The following SLC24A4 variants were observed in gnomAD, a reference collection of about 807,000 sequenced individuals.
The protein encoded by SLC24A4 is sodium/potassium/calcium exchanger 4.
A neutral mutation model predicts 79.0 loss-of-function variants in SLC24A4; 53 were observed. The ratio of observed to expected loss-of-function variants is 0.67; its 90% CI spans 0.54 to 0.84. SLC24A4 has a LOEUF of 0.84. Ranked by LOEUF, SLC24A4 falls within the 40% of genes least tolerant of loss-of-function variation. SLC24A4 has a pLI of 0.00. For synonymous variants in SLC24A4, 323 were observed against 323.8 expected, an observed-to-expected ratio of 1.00 and a Z score of 0.03; for missense variants, 731 against 822.0, an observed-to-expected ratio of 0.89 and a Z score of 1.35.
At chr14:92,443,289 A>G in intron 6 of SLC24A4, 111 bp from the exon 7 acceptor site, 1 of 932,166 alleles carries the variant, frequency 1.1e-6, no homozygotes, top group South Asian at 1.4e-5. Flanking sequence ...TGGAGTTAGG[A>G]GGTGGAGCTC....
At chr14:92,394,529 T>A (rs1463359132) in intron 2 of SLC24A4, among the ~76,000 whole-genome samples, 1 of 152,216 alleles carries the variant, frequency 6.6e-6, no homozygotes, top group Non-Finnish European at 1.5e-5. Context: ...GAGCTATGGT[T>A]ATAGCCTGGA....
chr14:92,376,552 C>T (rs984872092), intron 2 of SLC24A4, among the ~76,000 whole-genome samples: 15 of 152,356 alleles, frequency 9.8e-5, no homozygotes, highest in East Asian at 3.9e-4. Flanking sequence ...CTGGCCAGGG[C>T]CCCTGAGGGT....
rs1312788054 is a variant in SLC24A4 at position 92,499,233 on chromosome 14, T to C, written c.*5605T>C. ...TGTCAGTGTCCAGTTGTCAAAGTTATGAATCTTCCTCCTGCTTCTAAACAG... is the reference window on the plus strand; with the variant it reads ...TGTCAGTGTCCAGTTGTCAAAGTTACGAATCTTCCTCCTGCTTCTAAACAG... On this transcript the variant is annotated 3_prime_UTR_variant, in exon 17 of 17. Transcript: ENST00000532405. The C allele has an allele frequency of 1.3e-5, 2 of 152,264 alleles. No homozygotes were observed. The highest frequency in any genetic ancestry group is 2.9e-5 in the Non-Finnish European group (2 of 68,064). The allele number at this position is 152,264 out of a possible 1,614,324, so 9.4% of individuals were successfully genotyped here.
intron 12 of SLC24A4, among the ~76,000 whole-genome samples, chr14:92,472,929 G>A (rs1894517262): frequency 6.6e-6 from 1 of 152,108 alleles, no homozygotes; most frequent in Non-Finnish European, 1.5e-5. Flanking sequence ...TCAGTTCTAA[G>A]GCTGCATACT....
intron 1 of SLC24A4, among the ~76,000 whole-genome samples, chr14:92,324,891 GTACA>G (rs1434461249): frequency 1.3e-5 from 2 of 152,194 alleles, no homozygotes; most frequent in African/African-American, 4.8e-5. Context: ...TTAGAGAGGT[GTACA>G]CTGATAGGTA....
rs535612422 is a variant in SLC24A4, at chr14:92,469,974, A to G, written c.1256-12706A>G. 1.2e-4 allele frequency among the ~76,000 whole-genome samples: 18 copies of G among 152,334 alleles called. No homozygotes were observed. In the East Asian group the frequency reaches 3.5e-3, roughly 29 times the overall value. ...ACTGGGGCGATGAAAATCTTCTGGA[A>G]TTATATAGTGGTCATAGTTACACAA... On this transcript the variant is annotated intron_variant, in intron 12 of 16. Coordinates refer to ENST00000532405, the MANE Select transcript of SLC24A4 (RefSeq NM_153646.4).
chr14:92,427,536 A>G (rs12588761), intron 2 of SLC24A4, among the ~76,000 whole-genome samples: 78,717 of 152,106 alleles, frequency 0.52, 20,970 homozygotes, highest in African/African-American at 0.64. Context: ...TGGGGACACC[A>G]GTTACGGGTC....
intron 2 of SLC24A4, among the ~76,000 whole-genome samples, chr14:92,379,629 G>A (rs181352782): frequency 6.6e-6 from 1 of 152,242 alleles, no homozygotes; most frequent in East Asian, 1.9e-4. Context: ...TTGCCTGAAG[G>A]GCATGGGAGT....
chr14:92,466,342 G>A (rs1894116735), intron 12 of SLC24A4, among the ~76,000 whole-genome samples: 1 of 152,184 alleles, frequency 6.6e-6, no homozygotes, highest in Admixed American at 6.5e-5. Context: ...TCTCACAGTA[G>A]CACAGTGGGG....
At chr14:92,400,767 G>A (rs1034875203) in intron 2 of SLC24A4, among the ~76,000 whole-genome samples, 6 of 152,174 alleles carry the variant, frequency 3.9e-5, no homozygotes, top group African/African-American at 1.2e-4. Flanking sequence ...AAGCACGTGG[G>A]TCCCCTGTTA....
chr14:92,380,896 C>T (rs1312167843), intron 2 of SLC24A4, among the ~76,000 whole-genome samples: 1 of 152,136 alleles, frequency 6.6e-6, no homozygotes, highest in Non-Finnish European at 1.5e-5. Flanking sequence ...TGCCGTGAGT[C>T]CCAGTGGCAT....
rs1895958636 is a variant in SLC24A4 at position 92,497,192 on chromosome 14, T to G, written c.*3564T>G. The G allele has an allele frequency of 6.6e-6, 1 of 152,328 alleles. No homozygotes were observed. Among genetic ancestry groups the G allele is most frequent in the Non-Finnish European group, 1.5e-5 (1 of 68,144 alleles). 9.4% of individuals were successfully genotyped at this position (152,328 alleles called of 1,614,324 possible). ...TGTCGGTCCCCTGCCTTAACAGACC[T>G]AAGCAGCTGATAATGCACCAAGCTT... On this transcript the variant is annotated 3_prime_UTR_variant, in exon 17 of 17. Coordinates refer to ENST00000532405, the MANE Select transcript of SLC24A4 (RefSeq NM_153646.4).
At chr14:92,458,655 G>A (rs887503015) in intron 12 of SLC24A4, among the ~76,000 whole-genome samples, 2 of 152,328 alleles carry the variant, frequency 1.3e-5, no homozygotes, top group East Asian at 3.9e-4. Context: ...ACCAGCTCAC[G>A]GTGATGAACC....
intron 3 of SLC24A4, 142 bp downstream of exon 3, chr14:92,434,130 C>T: frequency 1.4e-6 from 1 of 697,134 alleles, no homozygotes; most frequent in Non-Finnish European, 2.6e-6. Context: ...ATGTTTTACC[C>T]ACACAGAAAG....
intron 12 of SLC24A4, among the ~76,000 whole-genome samples, chr14:92,470,302 T>C (rs1894365075): frequency 6.6e-6 from 1 of 152,190 alleles, no homozygotes; most frequent in Non-Finnish European, 1.5e-5. Flanking sequence ...GCTCTCCAGG[T>C]CATATAAGTG....
At chr14:92,389,427 G>A (rs1182414327) in intron 2 of SLC24A4, among the ~76,000 whole-genome samples, 1 of 152,072 alleles carries the variant, frequency 6.6e-6, no homozygotes, top group African/African-American at 2.4e-5. Context: ...CCAAACCACC[G>A]TTCTTCCCCA....
chr14:92,371,276 A>G (rs1595176824), intron 2 of SLC24A4, among the ~76,000 whole-genome samples: 1 of 152,324 alleles, frequency 6.6e-6, no homozygotes, highest in African/African-American at 2.4e-5. Context: ...CTTAATAAAC[A>G]CATCCCTTTC....
At chr14:92,331,703 A>G (rs141398345) in intron 2 of SLC24A4, among the ~76,000 whole-genome samples, 1 of 152,344 alleles carries the variant, frequency 6.6e-6, no homozygotes, top group East Asian at 1.9e-4. Flanking sequence ...CATCTGTAAA[A>G]TGAAGGTGAT....
At chr14:92,371,890 C>T (rs1203120485) in intron 2 of SLC24A4, among the ~76,000 whole-genome samples, 1 of 152,236 alleles carries the variant, frequency 6.6e-6, no homozygotes, top group Non-Finnish European at 1.5e-5. Flanking sequence ...TCTCAAGCAC[C>T]AAGGCAGGGG....
Sources: gnomAD v4.1 joint callset for allele counts (sites outside exome capture counted in the v4.1 genomes callset) on GRCh38, gnomAD v4.1.1 for gene constraint, MANE v1.5 for transcripts, NCBI Gene and HGNC (gene_info 2026-07-23, HGNC 2026-07-21) for gene names.